NAA15: variants seen among roughly 807,000 people sequenced by gnomAD.
NAA15 encodes N-terminal acetyltransferase.
NAA15 carries 34 observed loss-of-function variants against 114.0 expected under a neutral mutation model. The ratio of observed to expected loss-of-function variants is 0.30; its 90% CI spans 0.23 to 0.40. NAA15 has a LOEUF of 0.40. Ranked by LOEUF, NAA15 falls within the 10% of genes least tolerant of loss-of-function variation. NAA15 has a pLI of 1.00. For missense variants in NAA15, 658 were observed against 1,004.5 expected (o/e 0.66, Z 4.66); for synonymous variants, 340 against 338.0 (o/e 1.01, Z -0.06).
At position 139,347,240 on chromosome 4, in the gene NAA15, A is replaced by G. The variant is rs114442665; in HGVS notation, c.692-2222A>G. On this transcript the variant is annotated intron_variant, in intron 6 of 19. Transcript: ENST00000296543. ...GCTCCTAGCTTATTTAGATGCCAGT[A>G]GTACTCAACACCCTTACTGAGACAA... Among the ~76,000 whole-genome samples the G allele has an allele frequency of 4.8e-3, 738 of 152,272 alleles. 8 individuals are homozygous for G. Among genetic ancestry groups the G allele is most frequent in the African/African-American group, 0.017 (706 of 41,544 alleles).
chr4:139,364,396 C>T (rs1748219855), intron 14 of NAA15, among the ~76,000 whole-genome samples: 1 of 151,858 alleles, frequency 6.6e-6, no homozygotes, highest in Non-Finnish European at 1.5e-5. Context: ...TTCTGCTTTG[C>T]AATTTTTTAG....
intron 9 of NAA15, among the ~76,000 whole-genome samples, chr4:139,352,796 T>A (rs757160362): frequency 1.3e-5 from 2 of 151,012 alleles, no homozygotes; most frequent in Non-Finnish European, 1.5e-5. Context: ...GCCTCCCAAG[T>A]AGCTGCGATT....
chr4:139,389,413 G>A lies in NAA15; in HGVS notation c.*1329G>A, dbSNP rs2111016566. 6.5e-6 allele frequency: 1 copy of A among 152,706 alleles called. No homozygotes were observed. The highest frequency in any genetic ancestry group is 1.9e-4 in the East Asian group (1 of 5,180). The allele number at this position is 152,706 out of a possible 1,614,324, so 9.5% of individuals were successfully genotyped here. A position where few individuals can be genotyped will look rare whatever the true frequency, so the allele number is the denominator to read the frequency against. ...CAAGCCAGAGGCAATGTAATATGCTGTAAGGCTAGTGCAGATGGGAGCTTT... is the reference window on the plus strand; with the variant it reads ...CAAGCCAGAGGCAATGTAATATGCTATAAGGCTAGTGCAGATGGGAGCTTT... On this transcript the variant is annotated 3_prime_UTR_variant, in exon 20 of 20. Coordinates refer to ENST00000296543, the MANE Select transcript of NAA15 (RefSeq NM_057175.5).
chr4:139,378,328 G>A (rs989781122), intron 16 of NAA15, among the ~76,000 whole-genome samples: 1 of 152,168 alleles, frequency 6.6e-6, no homozygotes, highest in Non-Finnish European at 1.5e-5. Context: ...GGAGAAAGGA[G>A]TCACAGATTG....
At chr4:139,331,617 AT>A (rs34467609) in intron 1 of NAA15, among the ~76,000 whole-genome samples, 1,638 of 127,840 alleles carry the variant, frequency 0.013, 25 homozygotes, top group African/African-American at 0.041. Flanking sequence ...TGCCCGGCTA[AT>A]TTTTTTTTTT....
intron 12 of NAA15, among the ~76,000 whole-genome samples, chr4:139,360,105 C>T (rs1748085977): frequency 6.6e-6 from 1 of 152,066 alleles, no homozygotes; most frequent in South Asian, 2.1e-4. Flanking sequence ...GACTTTTAAA[C>T]TGGTTTATAT....
Position 139,329,265 on chromosome 4 carries a change from C to T in NAA15, c.55-4909C>T, listed in dbSNP as rs547349863. Among the ~76,000 whole-genome samples, 5 of 152,124 alleles carry T rather than the reference C, an allele frequency of 3.3e-5. No individual in the cohort carries two copies. In the South Asian group the frequency reaches 1.0e-3, roughly 32 times the overall value. On this transcript the variant is annotated intron_variant, in intron 1 of 19. Coordinates refer to ENST00000296543, the MANE Select transcript of NAA15 (RefSeq NM_057175.5). ...TTCCTCTTCATTTGTTTATCCATTG[C>T]TTAAATTTTGAGCACATTTATAATA...
At chr4:139,331,327 A>G (rs1746992527) in intron 1 of NAA15, among the ~76,000 whole-genome samples, 1 of 152,104 alleles carries the variant, frequency 6.6e-6, no homozygotes, top group Non-Finnish European at 1.5e-5. Context: ...TAGCTTTTAA[A>G]TATTTGTTGA....
chr4:139,319,891 C>T (rs1379954728), intron 1 of NAA15, among the ~76,000 whole-genome samples: 1 of 152,216 alleles, frequency 6.6e-6, no homozygotes, highest in Non-Finnish European at 1.5e-5. Context: ...TTTCTTTAAA[C>T]ATCTTTCTTT....
At chr4:139,332,553 T>C (rs1473711625) in intron 1 of NAA15, among the ~76,000 whole-genome samples, 1 of 151,428 alleles carries the variant, frequency 6.6e-6, no homozygotes, top group Non-Finnish European at 1.5e-5. Flanking sequence ...TTATACAGTC[T>C]TGGTATTTTG....
intron 1 of NAA15, among the ~76,000 whole-genome samples, chr4:139,312,383 T>C (rs965942204): frequency 3.3e-5 from 5 of 151,926 alleles, no homozygotes; most frequent in East Asian, 1.9e-4. Flanking sequence ...AACATCTAAG[T>C]TGTTTTATGA....
At chr4:139,305,122 A>T (rs1484956729) in intron 1 of NAA15, among the ~76,000 whole-genome samples, 3 of 152,234 alleles carry the variant, frequency 2.0e-5, no homozygotes, top group African/African-American at 7.2e-5. Context: ...GTATTCCATG[A>T]TATGGATGTA....
In NAA15 at chr4:139,361,886, C is replaced by T; in HGVS notation, c.1702C>T (p.Leu568Phe). ...ARIAIEIYLK[L>F]HDNPLTDENK... ...AATTGCTATAGAGATCTATTTGAAG[C>T]TTCATGACAACCCCCTTACAGATGA... is the stretch of plus-strand genomic sequence containing the variant. Residue 568 changes from leucine (L) to phenylalanine (F), a missense_variant, in exon 14 of 20, where the codon CTT (leucine) becomes TTT (phenylalanine). Leu to Phe is a conservative substitution (Grantham distance 22). Transcript: ENST00000296543. The T allele has an allele frequency of 1.2e-6, 2 of 1,613,636 alleles. No homozygotes were observed. The highest frequency in any genetic ancestry group is 8.5e-7 in the Non-Finnish European group (1 of 1,179,746).
At chr4:139,338,541 T>C (rs1033037250) in intron 3 of NAA15, among the ~76,000 whole-genome samples, 3 of 151,828 alleles carry the variant, frequency 2.0e-5, no homozygotes, top group African/African-American at 7.3e-5. Flanking sequence ...TCTGCCTCCC[T>C]GCTTCAAGTG....
At chr4:139,344,014 ATAT>A (rs1257787471) in intron 5 of NAA15, among the ~76,000 whole-genome samples, 169 bp from the exon 6 acceptor site, 1 of 152,222 alleles carries the variant, frequency 6.6e-6, no homozygotes, top group Non-Finnish European at 1.5e-5. Context: ...TTATATCCTA[ATAT>A]TGTCATTATT....
At chr4:139,359,614 T>C (rs1351305613) in intron 11 of NAA15, 129 bp from the exon 12 acceptor site, 1 of 771,240 alleles carries the variant, frequency 1.3e-6, no homozygotes, top group Non-Finnish European at 2.0e-6. Context: ...TTATATTGAT[T>C]AGCATCTAAG....
chr4:139,301,848 G>T lies in NAA15; in HGVS notation c.54+17G>T. On this transcript the variant is annotated intron_variant, in intron 1 of 19. Coordinates refer to ENST00000296543, the MANE Select transcript of NAA15 (RefSeq NM_057175.5). ...CGGATCTTGGTAAGTGTGAGGCTCC[G>T]GGCAAGCGGTGGGGAGGATTTAGCC... 6.3e-7 allele frequency: 1 copy of T among 1,582,740 alleles called. No homozygotes were observed. The highest frequency in any genetic ancestry group is 8.6e-7 in the Non-Finnish European group (1 of 1,163,172).
intron 14 of NAA15, among the ~76,000 whole-genome samples, chr4:139,369,313 T>C (rs1748368257): frequency 6.6e-6 from 1 of 152,220 alleles, no homozygotes; most frequent in African/African-American, 2.4e-5. Context: ...ATTCATAGAT[T>C]GCAAATAGTT....
At chr4:139,328,742 A>G (rs1746892313) in intron 1 of NAA15, among the ~76,000 whole-genome samples, 1 of 147,654 alleles carries the variant, frequency 6.8e-6, no homozygotes, top group Non-Finnish European at 1.5e-5. Context: ...TAATTTTTGT[A>G]ATATTAGTAG....
Sources: gnomAD v4.1 joint callset for allele counts (sites outside exome capture counted in the v4.1 genomes callset) on GRCh38, gnomAD v4.1.1 for gene constraint, MANE v1.5 for transcripts, NCBI Gene and HGNC (gene_info 2026-07-23, HGNC 2026-07-21) for gene names.